Variants in COL14A1 observed in about 807,000 individuals in gnomAD.
COL14A1 encodes the protein collagen alpha-1(XIV) chain.
Under a neutral mutation model 230.3 loss-of-function variants are expected in COL14A1, and 136 were observed. The observed-to-expected ratio is 0.59, with a 90% CI of 0.51 to 0.68. The LOEUF is 0.68. Among genes scored for constraint, COL14A1 ranks in the 30% least tolerant of loss-of-function variants. The pLI, the probability that COL14A1 is intolerant of heterozygous loss-of-function variation, is 0.00. For missense variants in COL14A1, 1,976 were observed against 2,215.8 expected, an observed-to-expected ratio of 0.89 and a Z score of 2.17; for synonymous variants, 792 against 784.1, an observed-to-expected ratio of 1.01 and a Z score of -0.17.
chr8:120,208,115 G>A (rs2130751759), intron 10 of COL14A1, 117 bp from the exon 11 acceptor site: 3 of 1,028,268 alleles, frequency 2.9e-6, no homozygotes, highest in Non-Finnish European at 4.1e-6. Flanking sequence ...GGGGGATGTG[G>A]CACAAACAAG....
intron 5 of COL14A1, among the ~76,000 whole-genome samples, chr8:120,195,352 T>C (rs1816997536): frequency 6.6e-6 from 1 of 152,010 alleles, no homozygotes; most frequent in Non-Finnish European, 1.5e-5. Context: ...CCAGCAAGAA[T>C]AAAAAGGATA....
intron 42 of COL14A1, among the ~76,000 whole-genome samples, chr8:120,334,585 A>AC (rs113923173): frequency 0.044 from 6,322 of 144,724 alleles, 252 homozygotes; most frequent in African/African-American, 0.11. Flanking sequence ...CACACACAAA[A>AC]ACACACACAC....
chr8:120,154,627 G>A (rs1397065343), intron 2 of COL14A1, among the ~76,000 whole-genome samples: 1 of 152,104 alleles, frequency 6.6e-6, no homozygotes, highest in East Asian at 1.9e-4. Context: ...TGCAAAGGAT[G>A]AGTCTGTTGG....
At chr8:120,298,594 A>ATT (rs1255668649) in intron 35 of COL14A1, among the ~76,000 whole-genome samples, 306 of 59,022 alleles carry the variant, frequency 5.2e-3, no homozygotes, top group South Asian at 0.011. Context: ...ATACCCATAT[A>ATT]TTTTATATAT....
chr8:120,224,257 C>T (rs909596088), intron 14 of COL14A1, among the ~76,000 whole-genome samples: 4 of 151,942 alleles, frequency 2.6e-5, no homozygotes, highest in Non-Finnish European at 5.9e-5. Context: ...GAACTCCCAA[C>T]CTCAAGTGAT....
chr8:120,138,898 C>T (rs1003716775), intron 1 of COL14A1, among the ~76,000 whole-genome samples: 3 of 152,160 alleles, frequency 2.0e-5, no homozygotes, highest in Admixed American at 1.3e-4. Flanking sequence ...GTAAAATTCT[C>T]TTTCTATAAA....
At chr8:120,248,785 G>A (rs1318799460) in intron 21 of COL14A1, among the ~76,000 whole-genome samples, 2 of 152,038 alleles carry the variant, frequency 1.3e-5, no homozygotes, top group African/African-American at 4.8e-5. Context: ...AGCCAGATAA[G>A]TCAAGGCTGC....
At chr8:120,371,105 A>G in intron 47 of COL14A1, 47 bp from the exon 48 acceptor site, 2 of 1,474,658 alleles carry the variant, frequency 1.4e-6, no homozygotes, top group South Asian at 2.5e-5. Context: ...ATATCAATTT[A>G]TGATTCCTGG....
In COL14A1 at chr8:120,300,752, A is replaced by G. The variant is rs1377516265; in HGVS notation, c.4335A>G (p.Pro1445=). 2.5e-6 allele frequency: 4 copies of G among 1,613,598 alleles called. No homozygotes were observed. Among genetic ancestry groups the G allele is most frequent in the Non-Finnish European group, 3.4e-6 (4 of 1,179,634 alleles). ...LPGLRDDESC[P]DLPHSCSCSE... ...TTCAGAGAGATGATGAGTCTTGCCC[A>G]GACCTTCCCCATTCCTGCTCCTGTT... Residue 1445 remains proline (P), a synonymous_variant, in exon 36 of 48, where the codon CCA becomes CCG. Transcript: ENST00000297848.
intron 45 of COL14A1, among the ~76,000 whole-genome samples, chr8:120,363,783 T>C (rs1823311019): frequency 6.6e-6 from 1 of 152,236 alleles, no homozygotes; most frequent in African/African-American, 2.4e-5. Context: ...TGCAGTGGAA[T>C]GCGCAGTACC....
intron 5 of COL14A1, among the ~76,000 whole-genome samples, chr8:120,172,685 TC>T (rs567690304): frequency 1.7e-3 from 264 of 152,268 alleles, no homozygotes; most frequent in Non-Finnish European, 2.8e-3. Context: ...CAGACAGTTT[TC>T]CCCCCACACA....
At chr8:120,128,220 TGC>T (rs141192017) in intron 1 of COL14A1, among the ~76,000 whole-genome samples, 4,683 of 122,826 alleles carry the variant, frequency 0.038, 85 homozygotes, top group Admixed American at 0.044. Context: ...TGTGTGTGTG[TGC>T]GCGCGCGTGT....
chr8:120,262,243 C>G (rs182563945), intron 23 of COL14A1, among the ~76,000 whole-genome samples: 1 of 151,948 alleles, frequency 6.6e-6, no homozygotes, highest in South Asian at 2.1e-4. Flanking sequence ...GAGGCTGAGG[C>G]GGGTGGATCA....
At chr8:120,190,410 G>A (rs34885008) in intron 5 of COL14A1, among the ~76,000 whole-genome samples, 51,473 of 151,646 alleles carry the variant, frequency 0.34, 9,453 homozygotes, top group Admixed American at 0.48. Flanking sequence ...AGTAGGATGC[G>A]AACATTTTCT....
chr8:120,211,732 T>G (rs1157640427), intron 12 of COL14A1, among the ~76,000 whole-genome samples: 1 of 152,228 alleles, frequency 6.6e-6, no homozygotes, highest in Non-Finnish European at 1.5e-5. Context: ...ATTTGATGAT[T>G]AATCCTGGCA....
intron 1 of COL14A1, among the ~76,000 whole-genome samples, chr8:120,127,613 A>C (rs919958416): frequency 3.3e-5 from 5 of 152,236 alleles, no homozygotes; most frequent in African/African-American, 1.2e-4. Context: ...ATCTGATTTG[A>C]GGGGCTCTAG....
intron 9 of COL14A1, among the ~76,000 whole-genome samples, chr8:120,206,397 C>T (rs951973668): frequency 6.6e-6 from 1 of 152,240 alleles, no homozygotes; most frequent in East Asian, 1.9e-4. Context: ...ATCCCCCAGG[C>T]TGGAGTGCAG....
rs781408879 is a variant in COL14A1 at position 120,310,073 on chromosome 8, T to A, written c.4455+11T>A. 1.2e-6 allele frequency: 2 copies of A among 1,612,628 alleles called. No individual in the cohort carries two copies. The highest frequency in any genetic ancestry group is 8.5e-7 in the Non-Finnish European group (1 of 1,178,944). ...GAACCGGGTCCAAAGGTAATGCGCA[T>A]GTTTTCTCTCTCTCTCTGTCTCATC... is the stretch of plus-strand genomic sequence containing the variant. On this transcript the variant is annotated intron_variant, in intron 37 of 47. Transcript: ENST00000297848.
At chr8:120,304,273 G>A (rs1225218474) in intron 36 of COL14A1, among the ~76,000 whole-genome samples, 1 of 151,836 alleles carries the variant, frequency 6.6e-6, no homozygotes, top group Non-Finnish European at 1.5e-5. Context: ...GTTATTTCTT[G>A]TCTTCTGCTA....
Sources: allele counts gnomAD v4.1 joint callset (sites outside exome capture counted in the v4.1 genomes callset), GRCh38; gene constraint gnomAD v4.1.1; transcripts MANE v1.5; gene names NCBI Gene and HGNC (gene_info 2026-07-23, HGNC 2026-07-21).